The following RARB variants were observed in gnomAD, a reference collection of about 807,000 sequenced individuals.
The protein encoded by RARB is HBV-activated protein.
Under a neutral mutation model 51.9 loss-of-function variants are expected in RARB, and 17 were observed. That is an observed-to-expected ratio of 0.33 (90% confidence interval 0.22 to 0.49). The LOEUF is 0.49. RARB is among the 20% of genes least tolerant of loss of function. The pLI, the probability that RARB is intolerant of heterozygous loss-of-function variation, is 0.99. For missense variants in RARB, 369 were observed against 550.8 expected (o/e 0.67, Z 3.30); for synonymous variants, 215 against 195.4 (o/e 1.10, Z -0.84).
chr3:25,451,459 A>G (rs1709191310), intron 1 of RARB, among the ~76,000 whole-genome samples: 1 of 152,216 alleles, frequency 6.6e-6, no homozygotes, highest in African/African-American at 2.4e-5. Flanking sequence ...AAGAAAACCC[A>G]CACAGTGAGG....
At chr3:25,425,719 A>G (rs1302402006), upstream of RARB, among the ~76,000 whole-genome samples, 2 of 152,224 alleles carry the variant, frequency 1.3e-5, no homozygotes, top group African/African-American at 4.8e-5. Flanking sequence ...ATTTTTGTGC[A>G]ATGATACAGT....
At chr3:25,022,908 C>A (rs1243858712) in intron 2 of RARB, among the ~76,000 whole-genome samples, 1 of 152,096 alleles carries the variant, frequency 6.6e-6, no homozygotes, top group Non-Finnish European at 1.5e-5. Flanking sequence ...TAGTGCAGAA[C>A]CTCAGAGAAC....
chr3:25,358,091 A>G (rs1011467688), intron 5 of RARB, among the ~76,000 whole-genome samples: 1 of 150,498 alleles, frequency 6.6e-6, no homozygotes, highest in Non-Finnish European at 1.5e-5. Flanking sequence ...CTATCACGAT[A>G]TTGATTCTTC....
intron 5 of RARB, among the ~76,000 whole-genome samples, chr3:25,373,074 T>C (rs1026103797): frequency 6.6e-5 from 10 of 152,156 alleles, no homozygotes; most frequent in Non-Finnish European, 1.5e-4. Context: ...GAAAGGCACA[T>C]GCTCTGATTT....
chr3:25,021,742 A>T (rs1323053777), intron 2 of RARB, among the ~76,000 whole-genome samples: 1 of 152,096 alleles, frequency 6.6e-6, no homozygotes, highest in East Asian at 1.9e-4. Flanking sequence ...TATAATGTCC[A>T]AATGTTGTAC....
At chr3:24,931,103 A>T (rs1575077541) in intron 2 of RARB, among the ~76,000 whole-genome samples, 1 of 152,028 alleles carries the variant, frequency 6.6e-6, no homozygotes, top group Non-Finnish European at 1.5e-5. Context: ...TGGAATTCAA[A>T]CCCAGACAGT....
At chr3:24,870,550 C>G (rs1332620906) in intron 2 of RARB, among the ~76,000 whole-genome samples, 1 of 151,990 alleles carries the variant, frequency 6.6e-6, no homozygotes, top group Non-Finnish European at 1.5e-5. Flanking sequence ...GCAGTTTAAG[C>G]CTTCTACCTA....
Position 25,099,517 on chromosome 3 carries a change from T to C in RARB, c.-327-32644T>C, listed in dbSNP as rs554538379. Among the ~76,000 whole-genome samples the C allele has an allele frequency of 4.6e-5, 7 of 152,162 alleles. No homozygotes were observed. In the East Asian group the frequency reaches 5.8e-4, roughly 13 times the overall value. ...CCAAGATTAAGATGCATATGTATCA[T>C]TGAATCAAATTACATCTTCTTAGAT... On this transcript the variant is annotated intron_variant, in intron 3 of 11. Transcript: ENST00000383772.
intron 3 of RARB, among the ~76,000 whole-genome samples, chr3:25,088,375 C>G (rs938200624): frequency 6.6e-6 from 1 of 152,104 alleles, no homozygotes; most frequent in African/African-American, 2.4e-5. Context: ...AACAATTTGC[C>G]GTGAACGCCC....
At chr3:25,558,414 A>G (rs1270115308) in intron 3 of RARB, among the ~76,000 whole-genome samples, 3 of 151,388 alleles carry the variant, frequency 2.0e-5, no homozygotes, top group Non-Finnish European at 4.4e-5. Context: ...TCTTTTCTCC[A>G]TTGGTTTCTG....
chr3:25,466,387 G>T (rs1695432985), intron 2 of RARB, among the ~76,000 whole-genome samples: 1 of 152,098 alleles, frequency 6.6e-6, no homozygotes. Context: ...GTAGAGACGG[G>T]GTTACTCCAT....
chr3:25,340,186 C>T (rs946848621), intron 5 of RARB, among the ~76,000 whole-genome samples: 2 of 152,120 alleles, frequency 1.3e-5, no homozygotes, highest in Non-Finnish European at 2.9e-5. Context: ...AGTCACTGCA[C>T]TGGGCTGACT....
rs75157499 is a variant in RARB at position 25,164,611 on chromosome 3, C to A, written c.-279-9508C>A. Among the ~76,000 whole-genome samples, 6 of 152,146 alleles carry A rather than the reference C, an allele frequency of 3.9e-5. No individual in the cohort carries two copies. The East Asian group carries it at 9.6e-4, about 24-fold the overall frequency. Reference sequence around the variant, plus strand: ...CTTGATTTTCTAGAATAGATATACCCCTTCAAATTATAGGTATGTTGTAAT... The same window carrying A: ...CTTGATTTTCTAGAATAGATATACCACTTCAAATTATAGGTATGTTGTAAT... On this transcript the variant is annotated intron_variant, in intron 4 of 11. Coordinates refer to the RARB transcript ENST00000383772.
intron 3 of RARB, among the ~76,000 whole-genome samples, chr3:25,529,141 T>C (rs1484155327): frequency 1.3e-5 from 2 of 151,938 alleles, no homozygotes; most frequent in African/African-American, 2.4e-5. Flanking sequence ...TGAAAAACAA[T>C]TTAGCATTAG....
intron 2 of RARB, among the ~76,000 whole-genome samples, chr3:25,048,174 G>A (rs1698254959): frequency 6.6e-6 from 1 of 152,136 alleles, no homozygotes. Flanking sequence ...GGCAGTTTGA[G>A]AACAGACTCA....
intron 4 of RARB, among the ~76,000 whole-genome samples, chr3:25,170,914 T>G (rs1700633429): frequency 6.6e-6 from 1 of 152,218 alleles, no homozygotes; most frequent in African/African-American, 2.4e-5. Flanking sequence ...GTGATTCAAG[T>G]GGTTGACCAA....
At chr3:25,494,622 A>C (rs1246027975) in intron 2 of RARB, among the ~76,000 whole-genome samples, 1 of 152,202 alleles carries the variant, frequency 6.6e-6, no homozygotes, top group Admixed American at 6.5e-5. Flanking sequence ...TTCTGTACTG[A>C]GAAAGGACAG....
chr3:24,995,577 C>T (rs1697003704), intron 2 of RARB, among the ~76,000 whole-genome samples: 1 of 151,998 alleles, frequency 6.6e-6, no homozygotes, highest in Admixed American at 6.6e-5. Flanking sequence ...CAGCTTTTCC[C>T]CATTCAGTAA....
intron 5 of RARB, among the ~76,000 whole-genome samples, chr3:25,386,563 T>C (rs1162362207): frequency 6.6e-6 from 1 of 152,240 alleles, no homozygotes. Flanking sequence ...GAGATGAAAG[T>C]ATCCTGGATT....
Sources: allele counts gnomAD v4.1 joint callset (sites outside exome capture counted in the v4.1 genomes callset), GRCh38; gene constraint gnomAD v4.1.1; transcripts MANE v1.5; gene names NCBI Gene and HGNC (gene_info 2026-07-23, HGNC 2026-07-21).